RSPH10B2: variants seen among roughly 807,000 people sequenced by gnomAD.
RSPH10B2 encodes radial spoke head 10 homolog B2, also known as radial spoke head 10 homolog B2 (Chlamydomonas).
RSPH10B2 carries 9 observed loss-of-function variants against 49.0 expected under a neutral mutation model. The ratio of observed to expected loss-of-function variants is 0.18; its 90% CI spans 0.11 to 0.32. The LOEUF is 0.32. Ranked by LOEUF, RSPH10B2 falls within the 10% of genes least tolerant of loss-of-function variation. The probability of loss-of-function intolerance (pLI) is 1.00; values close to 1 mark genes in which losing one functional copy is unlikely to be tolerated. For synonymous variants in RSPH10B2, 35 were observed against 210.2 expected, an observed-to-expected ratio of 0.17 and a Z score of 7.21; for missense variants, 95 against 589.9, an observed-to-expected ratio of 0.16 and a Z score of 8.69.
chr7:6,765,829 A>G, intron 5 of RSPH10B2, 38 bp downstream of exon 7: 1 of 1,559,436 alleles, frequency 6.4e-7, no homozygotes, highest in South Asian at 1.2e-5. Flanking sequence ...GTGTAGATGA[A>G]GAAGGGTTTG....
At chr7:6,767,181 G>A (rs1384652667) in intron 6 of RSPH10B2, among the ~76,000 whole-genome samples, 2 of 20,552 alleles carry the variant, frequency 9.7e-5, no homozygotes, top group African/African-American at 3.2e-4. Flanking sequence ...CACCATGTTG[G>A]CCAGGTTGGT....
rs185927655 is a variant in RSPH10B2, at chr7:6,793,282, G to C, written c.2233+1285G>C. On this transcript the variant is annotated intron_variant, in intron 17 of 18. Transcript: ENST00000297186. Reference sequence around the variant, plus strand: ...GCCCAGGCTGGTCTTGAACTCCCGGGCCCAAGTGATCTTCCCGCCTTGGCG... The same window carrying C: ...GCCCAGGCTGGTCTTGAACTCCCGGCCCCAAGTGATCTTCCCGCCTTGGCG... Among the ~76,000 whole-genome samples the C allele has an allele frequency of 6.1e-5, 7 of 114,542 alleles. 1 individual carries two copies. The highest frequency in any genetic ancestry group is 5.3e-4 in the South Asian group (1 of 1,886). 75.1% of individuals were successfully genotyped at this position (114,542 alleles called of 152,430 possible). A position where few individuals can be genotyped will look rare whatever the true frequency, so the allele number is the denominator to read the frequency against.
chr7:6,797,897 G>T (rs1782670453), intron 18 of RSPH10B2, among the ~76,000 whole-genome samples: 1 of 93,794 alleles, frequency 1.1e-5, no homozygotes, highest in African/African-American at 5.0e-5. Flanking sequence ...ACGTAACTTT[G>T]GGAGGCCAAG....
chr7:6,764,707 G>GTT (rs776414184), intron 4 of RSPH10B2, among the ~76,000 whole-genome samples: 6 of 146,372 alleles, frequency 4.1e-5, no homozygotes, highest in African/African-American at 1.3e-4. Flanking sequence ...TGTTGTTGTT[G>GTT]TTGTGTGTGT....
chr7:6,795,467 C>T (rs966152411), intron 17 of RSPH10B2, among the ~76,000 whole-genome samples: 3 of 77,290 alleles, frequency 3.9e-5, no homozygotes, highest in Non-Finnish European at 5.5e-5. Context: ...TAAAAGCTTT[C>T]GAATATTTTG....
intron 11 of RSPH10B2, among the ~76,000 whole-genome samples, chr7:6,780,066 A>G (rs1477749225): frequency 9.0e-6 from 1 of 110,606 alleles, no homozygotes; most frequent in Non-Finnish European, 1.9e-5. Context: ...CAGGTGATCC[A>G]CCTGCCTCAG....
At chr7:6,785,184 TGTGTG>T (rs1782102344) in intron 13 of RSPH10B2, among the ~76,000 whole-genome samples, 1 of 105,252 alleles carries the variant, frequency 9.5e-6, no homozygotes, top group African/African-American at 3.6e-5. Flanking sequence ...TGTGTGTGTG[TGTGTG>T]TGTTTGAGAC....
upstream of RSPH10B2, among the ~76,000 whole-genome samples, chr7:6,756,175 C>T (rs1381530158): frequency 2.8e-5 from 4 of 143,602 alleles, no homozygotes; most frequent in East Asian, 8.4e-4. Flanking sequence ...GAGGCTGAGG[C>T]AGGAGAATGG....
chr7:6,767,935 A>G (rs1290223331), intron 6 of RSPH10B2, among the ~76,000 whole-genome samples: 1 of 135,392 alleles, frequency 7.4e-6, no homozygotes, highest in Non-Finnish European at 1.6e-5. Context: ...TCAGTGGCTC[A>G]CACGTGTAAT....
intron 3 of RSPH10B2, among the ~76,000 whole-genome samples, chr7:6,763,391 A>G (rs1036584906): frequency 3.7e-5 from 4 of 107,230 alleles, no homozygotes; most frequent in African/African-American, 1.5e-4. Flanking sequence ...GTGAGCCGAG[A>G]TGGCGCCATT....
intron 18 of RSPH10B2, among the ~76,000 whole-genome samples, chr7:6,797,490 G>C (rs1226058686): frequency 6.6e-6 from 1 of 152,204 alleles, no homozygotes; most frequent in Non-Finnish European, 1.5e-5. Flanking sequence ...CTCCCAGGAA[G>C]GGAGAGGGGC....
chr7:6,758,486 ATTATT>A (rs1161488881), intron 1 of RSPH10B2, among the ~76,000 whole-genome samples: 1 of 136,868 alleles, frequency 7.3e-6, no homozygotes, highest in Non-Finnish European at 1.6e-5. Context: ...TACTATCTTA[ATTATT>A]TTAAGTGTAC....
chr7:6,782,369 G>GAT (rs1419736870), intron 13 of RSPH10B2, among the ~76,000 whole-genome samples: 1 of 126,464 alleles, frequency 7.9e-6, no homozygotes, highest in African/African-American at 3.2e-5. Context: ...AACATAGTGA[G>GAT]ATCCCCCTCT....
intron 13 of RSPH10B2, among the ~76,000 whole-genome samples, chr7:6,783,835 A>ATTATTATT (rs1782035203): frequency 7.2e-6 from 1 of 138,938 alleles, no homozygotes; most frequent in African/African-American, 2.7e-5. Flanking sequence ...TAATAATAAT[A>ATTATTATT]ATAATTATTA....
intron 7 of RSPH10B2, among the ~76,000 whole-genome samples, chr7:6,769,754 CTT>C (rs911131827): frequency 2.9e-4 from 22 of 76,636 alleles, no homozygotes; most frequent in Admixed American, 5.1e-4. Flanking sequence ...ACGCCCGGCT[CTT>C]TTTTTTTTTT....
chr7:6,784,986 C>A (rs1320193154), intron 13 of RSPH10B2, among the ~76,000 whole-genome samples: 1 of 88,748 alleles, frequency 1.1e-5, no homozygotes, highest in African/African-American at 5.0e-5. Flanking sequence ...TTGTGCAGCA[C>A]GTTGTTTCCC....
chr7:6,758,352 C>T (rs1334521072), intron 1 of RSPH10B2, among the ~76,000 whole-genome samples: 1 of 147,876 alleles, frequency 6.8e-6, no homozygotes, highest in East Asian at 2.1e-4. Context: ...AGGTTTGTTA[C>T]ATGGGCATGT....
intron 13 of RSPH10B2, among the ~76,000 whole-genome samples, chr7:6,785,496 C>T (rs1245015825): frequency 6.6e-6 from 1 of 152,194 alleles, no homozygotes; most frequent in Non-Finnish European, 1.5e-5. Context: ...CCATGTTAAT[C>T]CAGAATGCTT....
chr7:6,756,271 A>AAAGT (rs1781086340), upstream of RSPH10B2, among the ~76,000 whole-genome samples: 1 of 120,448 alleles, frequency 8.3e-6, no homozygotes, highest in Admixed American at 8.6e-5. Context: ...CTCCGTCTCA[A>AAAGT]AAATAAATAA....
Sources: allele counts gnomAD v4.1 joint callset (sites outside exome capture counted in the v4.1 genomes callset), GRCh38; gene constraint gnomAD v4.1.1; transcripts MANE v1.5; gene names NCBI Gene and HGNC (gene_info 2026-07-23, HGNC 2026-07-21).